The following VOPP1 variants were observed in gnomAD, a reference collection of about 807,000 sequenced individuals.
VOPP1 encodes VOPP1 WW domain binding protein.
Under a neutral mutation model 23.5 loss-of-function variants are expected in VOPP1, and 8 were observed. The ratio of observed to expected loss-of-function variants is 0.34; its 90% CI spans 0.20 to 0.61. The LOEUF is 0.61. Ranked by LOEUF, VOPP1 falls within the 20% of genes least tolerant of loss-of-function variation. The pLI is 0.78. For missense variants in VOPP1, 174 were observed against 238.1 expected (o/e 0.73, Z 1.77); for synonymous variants, 83 against 97.3 (o/e 0.85, Z 0.86).
At chr7:55,485,976 C>T (rs62457892) in intron 4 of VOPP1, among the ~76,000 whole-genome samples, 25,676 of 152,216 alleles carry the variant, frequency 0.17, 2,311 homozygotes, top group Middle Eastern at 0.24. Context: ...GCGAGGCGGG[C>T]GGGGGACCTG....
chr7:55,559,243 A>T (rs1361466730), intron 1 of VOPP1, among the ~76,000 whole-genome samples: 1 of 152,214 alleles, frequency 6.6e-6, no homozygotes, highest in African/African-American at 2.4e-5. Context: ...TCACTAAATA[A>T]ATCCACTTCC....
At chr7:55,545,315 A>T (rs766880497) in intron 1 of VOPP1, among the ~76,000 whole-genome samples, 46 of 152,230 alleles carry the variant, frequency 3.0e-4, no homozygotes, top group Admixed American at 5.2e-4. Context: ...AAACTCTTTC[A>T]TCAGGAGGGG....
At chr7:55,541,231 C>CT (rs1425681657) in intron 1 of VOPP1, among the ~76,000 whole-genome samples, 1 of 152,172 alleles carries the variant, frequency 6.6e-6, no homozygotes, top group East Asian at 1.9e-4. Flanking sequence ...GAATTGTACA[C>CT]TTTAAGTGGA....
intron 1 of VOPP1, chr7:55,537,843 A>AG: frequency 1.5e-6 from 1 of 683,820 alleles, no homozygotes; most frequent in Non-Finnish European, 2.1e-6. Context: ...AACCCATGAA[A>AG]GGGGGAACTG....
At chr7:55,436,939 TC>T (rs1790845758) in intron 4 of VOPP1, among the ~76,000 whole-genome samples, 1 of 152,122 alleles carries the variant, frequency 6.6e-6, no homozygotes, top group African/African-American at 2.4e-5. Flanking sequence ...TTTCATAGGA[TC>T]ATCCAGCAGA....
At chr7:55,540,036 C>A (rs747828536) in intron 1 of VOPP1, among the ~76,000 whole-genome samples, 2 of 151,874 alleles carry the variant, frequency 1.3e-5, no homozygotes, top group Non-Finnish European at 2.9e-5. Flanking sequence ...CATTTTCTCA[C>A]GGAAATGATG....
In VOPP1 at chr7:55,517,212, G is replaced by A. The variant is rs116586029; in HGVS notation, c.113+3860C>T. Among the ~76,000 whole-genome samples the A allele has an allele frequency of 7.4e-3, 1,121 of 151,604 alleles. 16 individuals are homozygous for A. The highest frequency in any genetic ancestry group is 0.026 in the African/African-American group (1,071 of 41,314). ...GATCAGCCCGACTCGGCCTCCCAGA[G>A]TGCTGGGATTACCAGCATGAGCAAC... is the stretch of plus-strand genomic sequence containing the variant. On this transcript the variant is annotated intron_variant, in intron 2 of 4. Transcript: ENST00000285279.
At chr7:55,478,855 A>G (rs1225062604) in intron 4 of VOPP1, among the ~76,000 whole-genome samples, 2 of 152,208 alleles carry the variant, frequency 1.3e-5, no homozygotes, top group African/African-American at 4.8e-5. Flanking sequence ...AAATTACACA[A>G]TGTGCTCAAG....
At chr7:55,566,789 T>C (rs1420510825) in intron 1 of VOPP1, among the ~76,000 whole-genome samples, 1 of 152,106 alleles carries the variant, frequency 6.6e-6, no homozygotes, top group Non-Finnish European at 1.5e-5. Context: ...CACCATCCAG[T>C]CCAAAATTTT....
At chr7:55,488,242 G>A (rs1793291842) in intron 4 of VOPP1, among the ~76,000 whole-genome samples, 1 of 152,158 alleles carries the variant, frequency 6.6e-6, no homozygotes, top group South Asian at 2.1e-4. Context: ...CAGTTAAGGT[G>A]CTGAGGTTTA....
intron 4 of VOPP1, among the ~76,000 whole-genome samples, chr7:55,475,021 A>G (rs1263255539): frequency 1.3e-5 from 2 of 152,316 alleles, no homozygotes; most frequent in East Asian, 1.9e-4. Flanking sequence ...GTTTCACACC[A>G]TGGTAGACAC....
intron 4 of VOPP1, among the ~76,000 whole-genome samples, chr7:55,482,846 A>G (rs1792844643): frequency 6.6e-6 from 1 of 152,194 alleles, no homozygotes; most frequent in Non-Finnish European, 1.5e-5. Context: ...CCCCCACACT[A>G]AGTTTTCACT....
chr7:55,447,955 G>A (rs1264093461), intron 4 of VOPP1, among the ~76,000 whole-genome samples: 1 of 151,900 alleles, frequency 6.6e-6, no homozygotes, highest in African/African-American at 2.4e-5. Flanking sequence ...TTGTAATTAT[G>A]GCAAATCACT....
chr7:55,570,195 G>T (rs1171722946), intron 1 of VOPP1, among the ~76,000 whole-genome samples: 2 of 152,054 alleles, frequency 1.3e-5, no homozygotes, highest in African/African-American at 2.4e-5. Context: ...CACCCCACCA[G>T]AGATGAAAAA....
intron 1 of VOPP1, among the ~76,000 whole-genome samples, chr7:55,561,268 C>A (rs951335228): frequency 6.6e-6 from 1 of 152,110 alleles, no homozygotes; most frequent in African/African-American, 2.4e-5. Flanking sequence ...CACCTTCCCT[C>A]TTGATGACCT....
At chr7:55,474,925 GGAA>G (rs957776602) in intron 4 of VOPP1, among the ~76,000 whole-genome samples, 2 of 152,236 alleles carry the variant, frequency 1.3e-5, no homozygotes, top group African/African-American at 4.8e-5. Context: ...AGAATTTTCA[GGAA>G]GAAGTGATGT....
chr7:55,462,655 A>AT (rs1191796338), intron 4 of VOPP1, among the ~76,000 whole-genome samples: 38,860 of 122,554 alleles, frequency 0.32, 6,954 homozygotes, highest in East Asian at 0.52. Flanking sequence ...TCTTGATTAT[A>AT]TTTTTTTTTT....
rs1234964342 is a variant in VOPP1, at chr7:55,505,638, AAAGG to A, written c.114-7952_114-7949del. Among the ~76,000 whole-genome samples, 477 of 113,708 alleles carry A rather than the reference AAAGG, an allele frequency of 4.2e-3. 8 individuals are homozygous for A. The highest frequency in any genetic ancestry group is 0.015 in the African/African-American group (417 of 28,038). 74.6% of individuals were successfully genotyped at this position (113,708 alleles called of 152,430 possible). Reference sequence around the variant, plus strand: ...AGAGAGGGGGAAGGAAAGAAGGAAAAAAGGAAGGAAGGAAGGGAGGGAGGGAGGG... The same window carrying A: ...AGAGAGGGGGAAGGAAAGAAGGAAAAAAGGAAGGAAGGGAGGGAGGGAGGG... On this transcript the variant is annotated intron_variant, in intron 2 of 4. Transcript: ENST00000285279.
intron 4 of VOPP1, among the ~76,000 whole-genome samples, chr7:55,462,910 C>A (rs1791540871): frequency 6.6e-6 from 1 of 152,100 alleles, no homozygotes; most frequent in African/African-American, 2.4e-5. Context: ...CCCGCCTCGG[C>A]CTCCCAATAT....
Sources: gnomAD v4.1 joint callset for allele counts (sites outside exome capture counted in the v4.1 genomes callset) on GRCh38, gnomAD v4.1.1 for gene constraint, MANE v1.5 for transcripts, NCBI Gene and HGNC (gene_info 2026-07-23, HGNC 2026-07-21) for gene names.